Variants in SOX5 observed in about 807,000 individuals in gnomAD.
SOX5 encodes transcription factor SOX-5.
SOX5 carries 9 observed loss-of-function variants against 92.0 expected under a neutral mutation model. The observed-to-expected ratio is 0.10, with a 90% confidence interval of 0.06 to 0.17. The LOEUF (loss-of-function observed/expected upper bound fraction) is 0.17, where lower values mean the gene tolerates loss of function less well. Among genes scored for constraint, SOX5 ranks in the 10% least tolerant of loss-of-function variants. The probability of loss-of-function intolerance (pLI) is 1.00; values close to 1 mark genes in which losing one functional copy is unlikely to be tolerated. For missense variants in SOX5, 642 were observed against 944.5 expected (o/e 0.68, Z 4.20); for synonymous variants, 344 against 336.3 (o/e 1.02, Z -0.25).
Position 23,846,117 on chromosome 12 carries a change from CCTT to C in SOX5, c.344_346del (p.Glu115del). ...CAAGGACTCGCCACTCTGTCGCCCA[CCTT>C]CTTCTGCCTTCTGAGGTGAGGTAGA... On this transcript the variant is annotated inframe_deletion, in exon 3 of 15. Transcript: ENST00000451604. 1 of 1,614,132 alleles carries C rather than the reference CCTT, an allele frequency of 6.2e-7. No individual in the cohort carries two copies. Among genetic ancestry groups the C allele is most frequent in the Non-Finnish European group, 8.5e-7 (1 of 1,180,000 alleles).
In SOX5 at chr12:23,550,779, T is replaced by TA. The variant is rs544692700; in HGVS notation, c.1489-4356dup. 3.3e-5 allele frequency among the ~76,000 whole-genome samples: 5 copies of TA among 151,776 alleles called. No individual in the cohort carries two copies. The East Asian group carries it at 7.7e-4, about 23-fold the overall frequency. Reference sequence around the variant, plus strand: ...TTTTCCCTGCTCCATTATTTTGACTTAAAAAAAATAAAAAACAACTGAAAA... The same window carrying TA: ...TTTTCCCTGCTCCATTATTTTGACTTAAAAAAAAATAAAAAACAACTGAAAA... On this transcript the variant is annotated intron_variant, in intron 11 of 14. Coordinates refer to ENST00000451604, the MANE Select transcript of SOX5 (RefSeq NM_006940.6).
In SOX5 at chr12:24,423,239, A is replaced by G. The variant is rs1394160226; in HGVS notation, c.-250-54600T>C. 3.3e-5 allele frequency among the ~76,000 whole-genome samples: 5 copies of G among 152,234 alleles called. No individual in the cohort carries two copies. The South Asian group carries it at 6.2e-4, about 19-fold the overall frequency. Reference sequence around the variant, plus strand: ...TAAGAACTGTGGAAGGACATAAGGTAAAGAGCAGTTGTTGGTGACATTTAT... The same window carrying G: ...TAAGAACTGTGGAAGGACATAAGGTGAAGAGCAGTTGTTGGTGACATTTAT... On this transcript the variant is annotated intron_variant, in intron 1 of 4. Coordinates refer to the SOX5 transcript ENST00000446891.
chr12:23,687,291 C>G (rs17394225), intron 6 of SOX5, among the ~76,000 whole-genome samples: 1 of 151,804 alleles, frequency 6.6e-6, no homozygotes, highest in African/African-American at 2.4e-5. Context: ...CTGAAATGCA[C>G]GCTGATGTCC....
chr12:23,936,541 A>C (rs1029748883), intron 1 of SOX5, among the ~76,000 whole-genome samples: 1 of 150,754 alleles, frequency 6.6e-6, no homozygotes, highest in Non-Finnish European at 1.5e-5. Flanking sequence ...AAAGACAGTT[A>C]ATAAACCCCT....
Position 24,192,645 on chromosome 12 carries a change from A to C in SOX5, c.-2+20698T>G, listed in dbSNP as rs771261902. Among the ~76,000 whole-genome samples, 26 of 152,254 alleles carry C rather than the reference A, an allele frequency of 1.7e-4. 1 individual carries two copies. Among genetic ancestry groups the C allele is most frequent in the Non-Finnish European group, 3.1e-4 (21 of 68,048 alleles). On this transcript the variant is annotated intron_variant, in intron 4 of 4. Transcript: ENST00000446891. Reference sequence around the variant, plus strand: ...ATACATCCTGCTGCCTTACAAATCCAAATTTAAAGTGCTTATCAATGGGAG... The same window carrying C: ...ATACATCCTGCTGCCTTACAAATCCCAATTTAAAGTGCTTATCAATGGGAG...
At chr12:23,892,071 T>A (rs1461241372) in intron 2 of SOX5, among the ~76,000 whole-genome samples, 1 of 152,102 alleles carries the variant, frequency 6.6e-6, no homozygotes, top group Non-Finnish European at 1.5e-5. Context: ...TATATGACTA[T>A]GCCTTCAAAA....
intron 3 of SOX5, among the ~76,000 whole-genome samples, chr12:24,234,020 T>C (rs1182195076): frequency 6.6e-6 from 1 of 151,892 alleles, no homozygotes; most frequent in African/African-American, 2.4e-5. Flanking sequence ...ATATCCAATT[T>C]GGTCTGTCCA....
chr12:23,968,889 T>C (rs894570511), intron 4 of SOX5, among the ~76,000 whole-genome samples: 2 of 152,140 alleles, frequency 1.3e-5, no homozygotes, highest in African/African-American at 4.8e-5. Context: ...CTTTTCCCTC[T>C]CCCACTAGGC....
intron 1 of SOX5, among the ~76,000 whole-genome samples, chr12:23,937,786 T>C (rs1196622323): frequency 1.3e-5 from 2 of 150,942 alleles, no homozygotes; most frequent in African/African-American, 2.4e-5. Flanking sequence ...AGGCCCTTGT[T>C]TGCATTATTT....
intron 12 of SOX5, 30 bp downstream of exon 12, chr12:23,546,286 T>C: frequency 4.7e-6 from 6 of 1,266,676 alleles, no homozygotes; most frequent in Non-Finnish European, 6.9e-6. Context: ...TCTTGCATTA[T>C]TAGAATATGT....
At chr12:23,888,694 C>A (rs1406968980) in intron 2 of SOX5, among the ~76,000 whole-genome samples, 1 of 152,116 alleles carries the variant, frequency 6.6e-6, no homozygotes, top group Admixed American at 6.5e-5. Context: ...TTTCCCAAAA[C>A]AATGCAAGTA....
chr12:24,342,420 G>T (rs1952683786), intron 2 of SOX5, among the ~76,000 whole-genome samples: 1 of 152,026 alleles, frequency 6.6e-6, no homozygotes, highest in East Asian at 1.9e-4. Context: ...TATCCTACAT[G>T]CAATACAAAT....
intron 4 of SOX5, among the ~76,000 whole-genome samples, chr12:24,006,351 T>A (rs1012164412): frequency 2.0e-5 from 3 of 152,188 alleles, no homozygotes; most frequent in Non-Finnish European, 4.4e-5. Flanking sequence ...GCAAAATGCA[T>A]TTCTTCTTGT....
chr12:24,158,258 T>C (rs1277339504), intron 4 of SOX5, among the ~76,000 whole-genome samples: 3 of 152,050 alleles, frequency 2.0e-5, no homozygotes, highest in African/African-American at 7.2e-5. Context: ...ATAAAAATGT[T>C]TATTTAATAA....
chr12:23,780,642 C>A (rs2095258651), intron 3 of SOX5, among the ~76,000 whole-genome samples: 1 of 151,916 alleles, frequency 6.6e-6, no homozygotes. Context: ...AGCAAGCACA[C>A]AGAGTAAGTG....
chr12:23,828,607 C>T (rs1474498572), intron 3 of SOX5, among the ~76,000 whole-genome samples: 1 of 152,100 alleles, frequency 6.6e-6, no homozygotes, highest in Non-Finnish European at 1.5e-5. Flanking sequence ...TGTCCTGTGA[C>T]AGCCCAGAAA....
At chr12:23,847,694 GAATCTTCCA>G (rs1337391166) in intron 2 of SOX5, among the ~76,000 whole-genome samples, 1 of 151,920 alleles carries the variant, frequency 6.6e-6, no homozygotes, top group Non-Finnish European at 1.5e-5. Flanking sequence ...GTGCACAACA[GAATCTTCCA>G]AATTATAATT....
chr12:23,696,255 G>A (rs2089838421), intron 6 of SOX5, among the ~76,000 whole-genome samples: 2 of 151,818 alleles, frequency 1.3e-5, no homozygotes. Flanking sequence ...ATCTGGGCCT[G>A]GAATCTTATT....
intron 1 of SOX5, among the ~76,000 whole-genome samples, chr12:23,910,673 C>A (rs1034112072): frequency 1.3e-5 from 2 of 152,084 alleles, no homozygotes; most frequent in Non-Finnish European, 2.9e-5. Flanking sequence ...GAGGTTGGGA[C>A]AAATATTTGA....
Sources: allele counts gnomAD v4.1 joint callset (sites outside exome capture counted in the v4.1 genomes callset), GRCh38; gene constraint gnomAD v4.1.1; transcripts MANE v1.5; gene names NCBI Gene and HGNC (gene_info 2026-07-23, HGNC 2026-07-21).